COL18A1: variants seen among roughly 807,000 people sequenced by gnomAD.
The protein encoded by COL18A1 is collagen alpha-1(XVIII) chain.
COL18A1 carries 133 observed loss-of-function variants against 168.0 expected under a neutral mutation model. That is an observed-to-expected ratio of 0.79 (90% CI 0.69 to 0.91). COL18A1 has a LOEUF of 0.91. Among genes scored for constraint, COL18A1 ranks in the 40% least tolerant of loss-of-function variants. The pLI is 0.00. For synonymous variants in COL18A1, 949 were observed against 809.0 expected, an observed-to-expected ratio of 1.17 and a Z score of -2.94; for missense variants, 2,126 against 1,925.4, an observed-to-expected ratio of 1.10 and a Z score of -1.95.
At chr21:45,472,190 G>A (rs910109646) in intron 3 of COL18A1, among the ~76,000 whole-genome samples, 56 of 151,654 alleles carry the variant, frequency 3.7e-4, no homozygotes, top group South Asian at 6.3e-4. Flanking sequence ...TGCACCCCCC[G>A]CCCGGGCTGC....
chr21:45,411,759 C>CGGGGGGGG (rs1437966551), intron 2 of COL18A1, among the ~76,000 whole-genome samples: 2 of 7,568 alleles, frequency 2.6e-4, no homozygotes, highest in African/African-American at 8.9e-4. Flanking sequence ...GGGCTGATGG[C>CGGGGGGGG]GGGGGGTGGG....
Position 45,511,859 on chromosome 21 carries a change from G to A in COL18A1, c.3810-329G>A, listed in dbSNP as rs987668472. Among the ~76,000 whole-genome samples the A allele has an allele frequency of 5.3e-5, 8 of 152,312 alleles. No individual in the cohort carries two copies. The South Asian group carries it at 6.2e-4, about 12-fold the overall frequency. Reference sequence around the variant, plus strand: ...CCTGAAAGCCAGGAGCCCGGGAGGCGGAGCTGGTTCCTAGCGAGGCAGCCA... The same window carrying A: ...CCTGAAAGCCAGGAGCCCGGGAGGCAGAGCTGGTTCCTAGCGAGGCAGCCA... On this transcript the variant is annotated intron_variant, in intron 41 of 41. Transcript: ENST00000651438.
intron 13 of COL18A1, among the ~76,000 whole-genome samples, chr21:45,481,444 G>T (rs150588264): frequency 6.6e-6 from 1 of 152,190 alleles, no homozygotes; most frequent in Non-Finnish European, 1.5e-5. Flanking sequence ...GGGGTCACTC[G>T]GTAGCATGCC....
chr21:45,417,798 A>G (rs1051756557), intron 2 of COL18A1, among the ~76,000 whole-genome samples: 5 of 152,138 alleles, frequency 3.3e-5, no homozygotes, highest in African/African-American at 9.7e-5. Flanking sequence ...ACTCCCATGA[A>G]GTGGTGAAGG....
At chr21:45,438,305 CAG>C (rs1199613999) in intron 2 of COL18A1, among the ~76,000 whole-genome samples, 2 of 110,038 alleles carry the variant, frequency 1.8e-5, no homozygotes, top group Non-Finnish European at 3.7e-5. Context: ...CACACACACT[CAG>C]ACACACAGGC....
rs758822462 is a variant in COL18A1 at position 45,494,531 on chromosome 21, G to C, written c.2353-14G>C. On this transcript the variant is annotated splice_polypyrimidine_tract_variant and intron_variant, in intron 26 of 41. Coordinates refer to ENST00000651438, the MANE Select transcript of COL18A1 (RefSeq NM_001379500.1). The stretch of plus-strand genomic sequence containing the variant: ...AGCTGCCACCTAACCCTGTCTTCTT[G>C]TTTTTTTGCTCAGGGAGAGCCGGGC... 5.0e-6 allele frequency: 8 copies of C among 1,613,288 alleles called. No homozygotes were observed. The South Asian group carries it at 7.7e-5, about 15-fold the overall frequency.
chr21:45,414,418 C>G (rs1251219669), intron 2 of COL18A1, among the ~76,000 whole-genome samples: 1 of 152,232 alleles, frequency 6.6e-6, no homozygotes, highest in African/African-American at 2.4e-5. Context: ...GGTTGTTAGT[C>G]ACACGTTTCT....
intron 2 of COL18A1, among the ~76,000 whole-genome samples, chr21:45,444,161 T>C (rs1361041718): frequency 1.3e-5 from 2 of 152,204 alleles, no homozygotes; most frequent in Non-Finnish European, 2.9e-5. Flanking sequence ...ATGTGACACA[T>C]TCGCTCCATG....
At chr21:45,484,711 GCACA>G (rs1265426806) in intron 15 of COL18A1, among the ~76,000 whole-genome samples, 4 of 151,918 alleles carry the variant, frequency 2.6e-5, no homozygotes, top group Non-Finnish European at 5.9e-5. Flanking sequence ...TAGCACACAT[GCACA>G]CACATCTCTC....
In COL18A1 at chr21:45,498,109, C is replaced by G; in HGVS notation, c.2683+448C>G. 1.6e-6 allele frequency: 1 copy of G among 625,232 alleles called. No individual in the cohort carries two copies. The highest frequency in any genetic ancestry group is 2.9e-6 in the Non-Finnish European group (1 of 349,372). 38.7% of individuals were successfully genotyped at this position (625,232 alleles called of 1,614,324 possible). On this transcript the variant is annotated intron_variant, in intron 32 of 41. Transcript: ENST00000651438. The surrounding 1 kb of genome is among the most constrained non-coding windows in gnomAD (Gnocchi z 4.5). The stretch of plus-strand genomic sequence containing the variant: ...GGTGAGCCCAGCACCCCTGCTCCCC[C>G]AAAGGACAAGAATTCCCCCCTGAGC...
chr21:45,482,966 TC>T (rs2035952599), intron 15 of COL18A1, 145 bp downstream of exon 15: 1 of 1,247,074 alleles, frequency 8.0e-7, no homozygotes, highest in African/African-American at 1.5e-5. Flanking sequence ...CATCTGTCCA[TC>T]CGTCCTGCCG....
chr21:45,426,980 T>C (rs1384039224), intron 2 of COL18A1, among the ~76,000 whole-genome samples: 1 of 152,140 alleles, frequency 6.6e-6, no homozygotes, highest in Non-Finnish European at 1.5e-5. Flanking sequence ...TTCTCAGCCC[T>C]GCTGTCCCAG....
chr21:45,405,826 C>G (rs1297099258), intron 2 of COL18A1, among the ~76,000 whole-genome samples: 2 of 151,598 alleles, frequency 1.3e-5, no homozygotes, highest in African/African-American at 4.8e-5. Flanking sequence ...GTCACGGCCT[C>G]GTCCCCGCAG....
At chr21:45,455,912 T>C (rs2034786660) in intron 2 of COL18A1, 1 of 1,612,938 alleles carries the variant, frequency 6.2e-7, no homozygotes, top group South Asian at 1.1e-5. Context: ...CGTCCAGCTG[T>C]GGAATGACAC....
At chr21:45,444,956 C>T (rs2034473354) in intron 2 of COL18A1, among the ~76,000 whole-genome samples, 1 of 152,146 alleles carries the variant, frequency 6.6e-6, no homozygotes, top group Non-Finnish European at 1.5e-5. Context: ...ATGTGGGTCT[C>T]CCTTGATTGT....
chr21:45,418,487 C>T (rs1195104084), intron 2 of COL18A1, among the ~76,000 whole-genome samples: 2 of 152,126 alleles, frequency 1.3e-5, no homozygotes, highest in South Asian at 2.1e-4. Flanking sequence ...GATGAATTCC[C>T]GGGCTGGCTC....
chr21:45,412,233 A>ATTTTTTTTTTTTT (rs1285919162), intron 2 of COL18A1, among the ~76,000 whole-genome samples: 1 of 96,122 alleles, frequency 1.0e-5, no homozygotes, highest in Non-Finnish European at 2.0e-5. Flanking sequence ...CTGGGGGTAT[A>ATTTTTTTTTTTTT]TTTCTTTTTT....
intron 41 of COL18A1, among the ~76,000 whole-genome samples, 164 bp downstream of exon 41, chr21:45,511,390 T>A (rs1378618404): frequency 6.6e-6 from 1 of 152,142 alleles, no homozygotes; most frequent in Admixed American, 6.5e-5. Flanking sequence ...AAATGAGAAC[T>A]GCTCTGAGAA....
rs1158872213 is a variant in COL18A1, at chr21:45,487,523, C to G, written c.1896+14C>G. 1.9e-6 allele frequency: 3 copies of G among 1,612,434 alleles called. No homozygotes were observed. Among genetic ancestry groups the G allele is most frequent in the Non-Finnish European group, 2.5e-6 (3 of 1,179,968 alleles). On this transcript the variant is annotated intron_variant, in intron 17 of 41. Coordinates refer to ENST00000651438, the MANE Select transcript of COL18A1 (RefSeq NM_001379500.1). ...GATGGGCCACAGGTAGTGTTGTGAG[C>G]TGGGCGTGGCCGGCTCTGAGGGGTA...
Sources: allele counts gnomAD v4.1 joint callset (sites outside exome capture counted in the v4.1 genomes callset), GRCh38; gene constraint gnomAD v4.1.1; non-coding constraint Gnocchi (gnomAD v3.1); transcripts MANE v1.5; gene names NCBI Gene and HGNC (gene_info 2026-07-23, HGNC 2026-07-21).